The following CELF4 variants were observed in gnomAD, a reference collection of about 807,000 sequenced individuals.
CELF4 encodes the protein CUGBP Elav-like family member 4.
A neutral mutation model predicts 59.9 loss-of-function variants in CELF4; 18 were observed. The observed-to-expected ratio is 0.30, with a 90% CI of 0.21 to 0.45. The LOEUF is 0.45. Among genes scored for constraint, CELF4 ranks in the 20% least tolerant of loss-of-function variants. The probability of loss-of-function intolerance (pLI) is 1.00; values close to 1 mark genes in which losing one functional copy is unlikely to be tolerated. For synonymous variants in CELF4, 261 were observed against 267.1 expected (o/e 0.98, Z 0.22); for missense variants, 456 against 689.0 (o/e 0.66, Z 3.79).
At chr18:37,524,093 A>G (rs2099960703) in intron 1 of CELF4, among the ~76,000 whole-genome samples, 1 of 152,206 alleles carries the variant, frequency 6.6e-6, no homozygotes. Context: ...ATAATATTTG[A>G]CTGTCACCAG....
chr18:37,484,031 C>T (rs1359761151), intron 2 of CELF4, among the ~76,000 whole-genome samples: 2 of 152,114 alleles, frequency 1.3e-5, no homozygotes, highest in Non-Finnish European at 2.9e-5. Flanking sequence ...TAAACCTCCC[C>T]CTCTCACCTT....
chr18:37,441,866 C>A (rs2099725564), intron 2 of CELF4, among the ~76,000 whole-genome samples: 1 of 152,128 alleles, frequency 6.6e-6, no homozygotes, highest in Non-Finnish European at 1.5e-5. Context: ...TCCCCCTCCT[C>A]AGAACTCCCC....
At chr18:37,450,092 G>A (rs529313330) in intron 2 of CELF4, among the ~76,000 whole-genome samples, 6 of 152,296 alleles carry the variant, frequency 3.9e-5, no homozygotes, top group South Asian at 2.1e-4. Context: ...AATTCCAGGC[G>A]TGGGGAGGGG....
chr18:37,296,582 T>A (rs1385480005), intron 3 of CELF4, among the ~76,000 whole-genome samples: 1 of 152,182 alleles, frequency 6.6e-6, no homozygotes, highest in East Asian at 1.9e-4. Flanking sequence ...AAGGGAACAC[T>A]ATTAATAATT....
chr18:37,269,230 G>C (rs1203052023), intron 8 of CELF4, among the ~76,000 whole-genome samples: 2 of 152,060 alleles, frequency 1.3e-5, no homozygotes, highest in Admixed American at 6.6e-5. Context: ...CAGATCATTA[G>C]AGCCTCATCA....
rs544971102 is a variant in CELF4, at chr18:37,263,281, G to A, written c.1249+1393C>T. On this transcript the variant is annotated intron_variant, in intron 10 of 12. Transcript: ENST00000420428. ...GAAGGCCAGGCTCTCAGCCAGGCAG[G>A]CTGTGGCACCTCTTTGGGGTCTGAG... Among the ~76,000 whole-genome samples the A allele has an allele frequency of 3.9e-5, 6 of 152,190 alleles. 1 individual carries two copies. Among genetic ancestry groups the A allele is most frequent in the Non-Finnish European group, 2.9e-5 (2 of 68,028 alleles).
At chr18:37,312,137 A>AAAGAAAAG (rs1569557798) in intron 3 of CELF4, among the ~76,000 whole-genome samples, 2 of 141,316 alleles carry the variant, frequency 1.4e-5, no homozygotes, top group Non-Finnish European at 1.5e-5. Context: ...AAAAGAAAAA[A>AAAGAAAAG]AAAAAAAGAA....
intron 2 of CELF4, among the ~76,000 whole-genome samples, chr18:37,334,810 G>A (rs1388580114): frequency 2.0e-5 from 3 of 152,012 alleles, no homozygotes; most frequent in African/African-American, 7.2e-5. Flanking sequence ...CCCCAGGCAT[G>A]TTAAAAGAAA....
chr18:37,420,941 C>A (rs2099574132), intron 2 of CELF4, among the ~76,000 whole-genome samples: 1 of 152,336 alleles, frequency 6.6e-6, no homozygotes, highest in Admixed American at 6.5e-5. Flanking sequence ...AGTCCTGTTC[C>A]CATCCAATTC....
intron 2 of CELF4, among the ~76,000 whole-genome samples, chr18:37,325,463 G>A (rs1248727344): frequency 6.6e-6 from 1 of 152,180 alleles, no homozygotes; most frequent in African/African-American, 2.4e-5. Context: ...GTGTCTGGAG[G>A]CTTCCACCCT....
At chr18:37,340,996 C>A (rs546469448) in intron 2 of CELF4, among the ~76,000 whole-genome samples, 7 of 152,362 alleles carry the variant, frequency 4.6e-5, no homozygotes, top group Non-Finnish European at 8.8e-5. Flanking sequence ...AAATGCCTAA[C>A]TTCTCTTCTT....
Position 37,390,396 on chromosome 18 carries a change from G to C in CELF4, c.370-68515C>G, listed in dbSNP as rs191440495. On this transcript the variant is annotated intron_variant, in intron 2 of 12. Coordinates refer to ENST00000420428, the MANE Select transcript of CELF4 (RefSeq NM_020180.4). ...GCCATGCCCTGGCTGGGATTTCCTA[G>C]TAGTTTTGTGCATGTGGGTCTCCTC... 1.1e-3 allele frequency among the ~76,000 whole-genome samples: 167 copies of C among 152,286 alleles called. 1 individual carries two copies. Among genetic ancestry groups the C allele is most frequent in the African/African-American group, 3.8e-3 (159 of 41,548 alleles).
At chr18:37,266,481 G>T in intron 9 of CELF4, 52 bp downstream of exon 9, 1 of 1,511,898 alleles carries the variant, frequency 6.6e-7, no homozygotes. Context: ...TCACAGGCGT[G>T]GAGAGATAAA....
intron 2 of CELF4, among the ~76,000 whole-genome samples, chr18:37,459,668 T>A (rs1434429299): frequency 1.3e-5 from 2 of 151,908 alleles, no homozygotes; most frequent in Non-Finnish European, 2.9e-5. Context: ...GGCCTCAGAG[T>A]CTGGAGGGAT....
At chr18:37,363,409 G>A (rs2098735425) in intron 2 of CELF4, among the ~76,000 whole-genome samples, 1 of 152,128 alleles carries the variant, frequency 6.6e-6, no homozygotes, top group Non-Finnish European at 1.5e-5. Flanking sequence ...CATTCTTCAC[G>A]TGAGAGACTT....
chr18:37,388,592 C>T (rs561669846), intron 2 of CELF4, among the ~76,000 whole-genome samples: 2 of 152,252 alleles, frequency 1.3e-5, no homozygotes, highest in South Asian at 2.1e-4. Flanking sequence ...TACTAATGAG[C>T]TCAAGACAGC....
At chr18:37,360,651 C>G (rs963924748) in intron 2 of CELF4, among the ~76,000 whole-genome samples, 1 of 152,222 alleles carries the variant, frequency 6.6e-6, no homozygotes, top group Non-Finnish European at 1.5e-5. Context: ...AGTCTCGTTG[C>G]AGGGCTATAC....
At chr18:37,490,542 T>A (rs375756616) in intron 1 of CELF4, among the ~76,000 whole-genome samples, 2 of 152,080 alleles carry the variant, frequency 1.3e-5, no homozygotes, top group Non-Finnish European at 2.9e-5. Context: ...AAATTATCCT[T>A]GGTGGGGTGG....
At chr18:37,433,318 TGGCCTGG>T (rs2099676719) in intron 2 of CELF4, among the ~76,000 whole-genome samples, 1 of 152,110 alleles carries the variant, frequency 6.6e-6, no homozygotes, top group Non-Finnish European at 1.5e-5. Flanking sequence ...TGGTTAAAGG[TGGCCTGG>T]GGACACTGCA....
Sources: allele counts gnomAD v4.1 joint callset (sites outside exome capture counted in the v4.1 genomes callset), GRCh38; gene constraint gnomAD v4.1.1; transcripts MANE v1.5; gene names NCBI Gene and HGNC (gene_info 2026-07-23, HGNC 2026-07-21).